Variants in DISP1 observed in about 807,000 individuals in gnomAD.
DISP1 encodes dispatched RND transporter family member 1.
In DISP1, 30 loss-of-function variants were observed where a neutral mutation model predicts 37.3. The ratio of observed to expected loss-of-function variants is 0.80; its 90% confidence interval spans 0.60 to 1.09. DISP1 has a LOEUF of 1.09. DISP1 is among the 50% of genes least tolerant of loss of function. DISP1 has a pLI of 0.00. For synonymous variants in DISP1, 634 were observed against 690.2 expected (o/e 0.92, Z 1.28); for missense variants, 1,598 against 1,879.5 (o/e 0.85, Z 2.77).
intron 2 of DISP1, 30 bp from the exon 3 acceptor site, chr1:222,942,777 A>C (rs111821912): frequency 1.9e-6 from 3 of 1,613,832 alleles, no homozygotes; most frequent in Non-Finnish European, 2.5e-6. Flanking sequence ...CCTGACTGTA[A>C]CTGGGCGATT....
chr1:222,819,727 G>A (rs1017206291), intron 1 of DISP1, among the ~76,000 whole-genome samples: 2 of 151,780 alleles, frequency 1.3e-5, no homozygotes, highest in Non-Finnish European at 2.9e-5. Flanking sequence ...TTTTAGCAGG[G>A]ACAGGGTTTC....
chr1:222,930,055 G>C (rs1422521056), intron 2 of DISP1, among the ~76,000 whole-genome samples: 1 of 152,010 alleles, frequency 6.6e-6, no homozygotes, highest in Non-Finnish European at 1.5e-5. Flanking sequence ...AATTCAGTCT[G>C]GGAAATATGT....
chr1:222,833,736 A>G (rs1001072392), intron 1 of DISP1, among the ~76,000 whole-genome samples: 1 of 152,214 alleles, frequency 6.6e-6, no homozygotes, highest in African/African-American at 2.4e-5. Flanking sequence ...CAGAAGCCAG[A>G]TTGATTTTTA....
At chr1:222,993,687 G>A (rs1217050417) in intron 7 of DISP1, among the ~76,000 whole-genome samples, 34 of 152,144 alleles carry the variant, frequency 2.2e-4, no homozygotes, top group Non-Finnish European at 1.6e-4. Flanking sequence ...GTTCTGGCTG[G>A]TTTATTTCTC....
rs766841925 is a variant in DISP1 at position 223,005,173 on chromosome 1, A to G, written c.3776A>G (p.His1259Arg). 1 of 1,614,078 alleles carries G rather than the reference A, an allele frequency of 6.2e-7. No homozygotes were observed. Among genetic ancestry groups the G allele is most frequent in the Non-Finnish European group, 8.5e-7 (1 of 1,180,032 alleles). ...TTGTTACAGCCCCCTCTTGAACAGCATACCGTGTGTCACTTCTTCTCTCTG... is the reference window on the plus strand; with the variant it reads ...TTGTTACAGCCCCCTCTTGAACAGCGTACCGTGTGTCACTTCTTCTCTCTG... ...SALLQPPLEQ[H>R]TVCHFFSLNQ... The change falls in exon 9 of 9, where the codon CAT (histidine) becomes CGT (arginine). Residue 1259 changes from histidine (H) to arginine (R), a missense_variant. Coordinates refer to ENST00000675850, the MANE Select transcript of DISP1 (RefSeq NM_001377229.1).
At chr1:222,910,124 G>A (rs34004065) in intron 1 of DISP1, among the ~76,000 whole-genome samples, 4 of 152,172 alleles carry the variant, frequency 2.6e-5, no homozygotes, top group Non-Finnish European at 4.4e-5. Flanking sequence ...AGCACATTGG[G>A]AGACCAAAGT....
At chr1:222,971,668 T>C (rs1331807567) in intron 3 of DISP1, among the ~76,000 whole-genome samples, 2 of 152,160 alleles carry the variant, frequency 1.3e-5, no homozygotes, top group Admixed American at 1.3e-4. Flanking sequence ...GTATTTATAC[T>C]TTTGATCTGT....
At chr1:222,896,932 A>C (rs1330399696) in intron 1 of DISP1, among the ~76,000 whole-genome samples, 1 of 152,248 alleles carries the variant, frequency 6.6e-6, no homozygotes, top group Non-Finnish European at 1.5e-5. Flanking sequence ...CAAGTGTGAA[A>C]TGGCAAAACC....
chr1:222,883,937 A>G (rs1670426366), intron 1 of DISP1, among the ~76,000 whole-genome samples: 1 of 152,114 alleles, frequency 6.6e-6, no homozygotes, highest in African/African-American at 2.4e-5. Context: ...TTGTAAGGAA[A>G]GCTACTGAAC....
intron 1 of DISP1, among the ~76,000 whole-genome samples, chr1:222,889,556 A>C (rs899805705): frequency 6.7e-6 from 1 of 149,304 alleles, no homozygotes; most frequent in Non-Finnish European, 1.5e-5. Flanking sequence ...TTCCCCATGC[A>C]ACTATTTTTT....
intron 1 of DISP1, among the ~76,000 whole-genome samples, chr1:222,871,530 G>A (rs1669573946): frequency 6.6e-6 from 1 of 152,028 alleles, no homozygotes. Flanking sequence ...TGGATTCCTA[G>A]GTATTTTATT....
At chr1:222,874,184 C>A (rs1215284749) in intron 1 of DISP1, among the ~76,000 whole-genome samples, 1 of 152,222 alleles carries the variant, frequency 6.6e-6, no homozygotes, top group African/African-American at 2.4e-5. Context: ...GTAACCTGAC[C>A]TTTCTCTCTG....
At chr1:222,846,357 G>GGT in intron 1 of DISP1, among the ~76,000 whole-genome samples, 1 of 152,324 alleles carries the variant, frequency 6.6e-6, no homozygotes, top group Admixed American at 6.5e-5. Flanking sequence ...TGGGTGTGGT[G>GGT]GCGCATGCCT....
chr1:222,871,836 T>C (rs1157636333), intron 1 of DISP1, among the ~76,000 whole-genome samples: 2 of 152,192 alleles, frequency 1.3e-5, no homozygotes, highest in East Asian at 1.9e-4. Context: ...TGAATAGGAG[T>C]GGTGAGAGAG....
At position 223,002,637 on chromosome 1, in the gene DISP1, G is replaced by C; in HGVS notation, c.1240G>C (p.Val414Leu). 6.2e-7 allele frequency: 1 copy of C among 1,614,174 alleles called. No individual in the cohort carries two copies. Among genetic ancestry groups the C allele is most frequent in the Non-Finnish European group, 8.5e-7 (1 of 1,180,036 alleles). Reference protein sequence around the residue: ...RRKDQLKCTNVPRKCTKYNAV... With the variant: ...RRKDQLKCTNLPRKCTKYNAV... The stretch of plus-strand genomic sequence containing the variant: ...AAAGGACCAGCTCAAGTGCACCAAT[G>C]TGCCACGCAAATGTACCAAGTACAA... Residue 414 changes from valine (V) to leucine (L), a missense_variant, in exon 9 of 9, where the codon GTG becomes CTG. By Grantham distance (32) the Val-to-Leu change is conservative. Coordinates refer to ENST00000675850, the MANE Select transcript of DISP1 (RefSeq NM_001377229.1).
intron 3 of DISP1, among the ~76,000 whole-genome samples, chr1:222,982,078 G>A (rs1034813990): frequency 1.3e-5 from 2 of 152,230 alleles, no homozygotes; most frequent in Admixed American, 6.5e-5. Flanking sequence ...CACATTTTGT[G>A]AATAATAATT....
At chr1:222,871,999 G>T (rs9441938) in intron 1 of DISP1, among the ~76,000 whole-genome samples, 10,626 of 150,066 alleles carry the variant, frequency 0.071, 449 homozygotes, top group Non-Finnish European at 0.099. Flanking sequence ...TAGCATGAAG[G>T]GTTGTTGAAT....
intron 1 of DISP1, among the ~76,000 whole-genome samples, chr1:222,849,967 C>T (rs2125306825): frequency 6.6e-6 from 1 of 152,206 alleles, no homozygotes; most frequent in South Asian, 2.1e-4. Context: ...TGTATGTGGA[C>T]ATGGCTAATA....
intron 1 of DISP1, among the ~76,000 whole-genome samples, chr1:222,915,439 T>C (rs1164310186): frequency 6.6e-6 from 1 of 152,202 alleles, no homozygotes; most frequent in Non-Finnish European, 1.5e-5. Flanking sequence ...TGTATAACAT[T>C]CCTTCAGTGT....
Sources: allele counts gnomAD v4.1 joint callset (sites outside exome capture counted in the v4.1 genomes callset), GRCh38; gene constraint gnomAD v4.1.1; transcripts MANE v1.5; gene names NCBI Gene and HGNC (gene_info 2026-07-23, HGNC 2026-07-21).